SLC25A24: variants seen among roughly 807,000 people sequenced by gnomAD.
SLC25A24 encodes mitochondrial adenyl nucleotide antiporter SLC25A24.
SLC25A24 carries 49 observed loss-of-function variants against 60.7 expected under a neutral mutation model. That is an observed-to-expected ratio of 0.81 (90% CI 0.64 to 1.02). The LOEUF is 1.02. SLC25A24 is among the 50% of genes least tolerant of loss of function. SLC25A24 has a pLI of 0.00. For missense variants in SLC25A24, 564 were observed against 586.3 expected (o/e 0.96, Z 0.39); for synonymous variants, 202 against 200.6 (o/e 1.01, Z -0.06).
intron 8 of SLC25A24, among the ~76,000 whole-genome samples, chr1:108,142,208 T>G (rs1679462067): frequency 6.6e-6 from 1 of 152,180 alleles, no homozygotes; most frequent in Non-Finnish European, 1.5e-5. Flanking sequence ...GAAAACAGTC[T>G]GATAGTTCCT....
rs1304405040 is a variant in SLC25A24 at position 108,148,272 on chromosome 1, T to C, written c.930+7A>G. On this transcript the variant is annotated splice_region_variant and intron_variant, in intron 7 of 9. Transcript: ENST00000565488. ...ATCACACAGTCAGACTTGACAATGG[T>C]ACTCACCTCCATTGGATATATAAAA... The C allele has an allele frequency of 4.7e-6, 7 of 1,501,418 alleles. 1 individual carries two copies. Among genetic ancestry groups the C allele is most frequent in the South Asian group, 2.3e-5 (2 of 88,884 alleles). 93.0% of individuals were successfully genotyped at this position (1,501,418 alleles called of 1,614,324 possible). A position where few individuals can be genotyped will look rare whatever the true frequency, so the allele number is the denominator to read the frequency against.
At chr1:108,140,267 T>TA (rs1357251499) in intron 8 of SLC25A24, among the ~76,000 whole-genome samples, 2 of 151,858 alleles carry the variant, frequency 1.3e-5, no homozygotes, top group East Asian at 1.9e-4. Context: ...TTTTGAAACT[T>TA]AAAAAAACTG....
In SLC25A24 at chr1:108,157,582, T is replaced by C; in HGVS notation, c.549A>G (p.Glu183=). 3.7e-6 allele frequency: 6 copies of C among 1,614,162 alleles called. No individual in the cohort carries two copies. The highest frequency in any genetic ancestry group is 5.1e-6 in the Non-Finnish European group (6 of 1,180,026). The part of the protein sequence containing the change: ...DIGDSLTIPD[E]FTEDEKKSGQ... ...CGGATTTTTTTTCGTCTTCCGTGAATTCATCTGGAATAGTTAAGCTATCCC... is the reference window on the plus strand; with the variant it reads ...CGGATTTTTTTTCGTCTTCCGTGAACTCATCTGGAATAGTTAAGCTATCCC... Residue 183 remains glutamate (E), a synonymous_variant, in exon 5 of 10, where the codon GAA becomes GAG. Coordinates refer to ENST00000565488, the MANE Select transcript of SLC25A24 (RefSeq NM_013386.5).
chr1:108,151,886 C>T (rs1221797493), intron 6 of SLC25A24, among the ~76,000 whole-genome samples: 1 of 152,218 alleles, frequency 6.6e-6, no homozygotes, highest in Non-Finnish European at 1.5e-5. Flanking sequence ...TGACTCTTCT[C>T]TTTCTCACCT....
chr1:108,195,040 AT>A (rs923591171), intron 1 of SLC25A24, among the ~76,000 whole-genome samples: 8 of 152,208 alleles, frequency 5.3e-5, no homozygotes, highest in African/African-American at 2.4e-5. Flanking sequence ...TTCTCAACAA[AT>A]CCTTTTGTTT....
intron 6 of SLC25A24, among the ~76,000 whole-genome samples, chr1:108,152,159 T>C (rs1393728942): frequency 2.6e-5 from 4 of 152,180 alleles, no homozygotes; most frequent in Non-Finnish European, 5.9e-5. Flanking sequence ...CCCTACCATA[T>C]TCAGAATAAA....
intron 3 of SLC25A24, among the ~76,000 whole-genome samples, chr1:108,164,210 A>G (rs913660328): frequency 1.3e-5 from 2 of 151,756 alleles, no homozygotes; most frequent in Non-Finnish European, 2.9e-5. Context: ...TTTATTGAGG[A>G]TTTTTGCATC....
At chr1:108,188,390 T>G (rs1377418409) in intron 1 of SLC25A24, among the ~76,000 whole-genome samples, 1 of 152,086 alleles carries the variant, frequency 6.6e-6, no homozygotes, top group African/African-American at 2.4e-5. Flanking sequence ...TTGAAAAAAA[T>G]TACCATATTT....
At position 108,148,389 on chromosome 1, in the gene SLC25A24, G is replaced by GT. The variant is rs746960422; in HGVS notation, c.823-4dup. The GT allele has an allele frequency of 6.5e-7, 1 of 1,536,140 alleles. No homozygotes were observed. The highest frequency in any genetic ancestry group is 9.0e-7 in the Non-Finnish European group (1 of 1,109,106). ...TCTTCAGTAAGTAACTTCTTGTACT[G>GT]TATAAACAAGTTTTAAAATGCACAT... On this transcript the variant is annotated splice_region_variant and splice_polypyrimidine_tract_variant and intron_variant, in intron 6 of 9. Coordinates refer to ENST00000565488, the MANE Select transcript of SLC25A24 (RefSeq NM_013386.5).
At chr1:108,157,351 G>T (rs1558013130) in intron 5 of SLC25A24, 111 bp downstream of exon 5, 2 of 1,122,908 alleles carry the variant, frequency 1.8e-6, no homozygotes, top group East Asian at 2.4e-5. Context: ...TATTTTTTAG[G>T]GTATAAAAGA....
chr1:108,158,534 T>G (rs1679964079), intron 4 of SLC25A24, among the ~76,000 whole-genome samples: 1 of 152,174 alleles, frequency 6.6e-6, no homozygotes, highest in Non-Finnish European at 1.5e-5. Context: ...ACTGAACTAC[T>G]AGTATAATAT....
chr1:108,157,641 T>A (rs776811941), intron 4 of SLC25A24, 21 bp from the exon 5 acceptor site: 2 of 1,607,042 alleles, frequency 1.2e-6, no homozygotes, highest in South Asian at 2.2e-5. Flanking sequence ...GAAAAAAAGA[T>A]CCCCATGCGC....
intron 2 of SLC25A24, among the ~76,000 whole-genome samples, chr1:108,182,992 A>C (rs1449799849): frequency 6.6e-6 from 1 of 152,168 alleles, no homozygotes; most frequent in Non-Finnish European, 1.5e-5. Flanking sequence ...TAGAAAATAA[A>C]ATAGAAGCAA....
At chr1:108,161,055 T>C (rs1213657250) in intron 4 of SLC25A24, 127 bp downstream of exon 4, 1 of 562,250 alleles carries the variant, frequency 1.8e-6, no homozygotes, top group African/African-American at 2.0e-5. Context: ...TAAATAGAAC[T>C]CTACAGGTTA....
chr1:108,134,761 C>A lies in SLC25A24; in HGVS notation c.*1892G>T, dbSNP rs1304409114. The A allele has an allele frequency of 6.7e-6, 1 of 148,508 alleles. No individual in the cohort carries two copies. The highest frequency in any genetic ancestry group is 1.5e-5 in the Non-Finnish European group (1 of 67,214). 9.2% of individuals were successfully genotyped at this position (148,508 alleles called of 1,614,324 possible). ...TGCTTTATTTATAATTTTTTTTTTT[C>A]AATTAGGAAACTGAGACTTAAGAAT... On this transcript the variant is annotated 3_prime_UTR_variant, in exon 10 of 10. Transcript: ENST00000565488.
intron 3 of SLC25A24, among the ~76,000 whole-genome samples, chr1:108,176,341 T>C (rs1392890791): frequency 6.6e-6 from 1 of 151,428 alleles, no homozygotes; most frequent in Non-Finnish European, 1.5e-5. Flanking sequence ...GAAAAAAGAA[T>C]GAAAATGAAT....
intron 3 of SLC25A24, among the ~76,000 whole-genome samples, chr1:108,180,501 C>T (rs1289311842): frequency 6.6e-6 from 1 of 152,160 alleles, no homozygotes; most frequent in African/African-American, 2.4e-5. Flanking sequence ...GGCCCTAACC[C>T]ACCGTGTGAT....
chr1:108,139,386 G>T (rs1230137425), intron 8 of SLC25A24, among the ~76,000 whole-genome samples, 178 bp from the exon 9 acceptor site: 1 of 152,170 alleles, frequency 6.6e-6, no homozygotes, highest in East Asian at 1.9e-4. Flanking sequence ...GAGGCCACTG[G>T]GGGTGCGGAA....
chr1:108,143,449 C>T, intron 8 of SLC25A24, 94 bp downstream of exon 8: 2 of 1,055,324 alleles, frequency 1.9e-6, no homozygotes, highest in Non-Finnish European at 2.7e-6. Context: ...TGGTCACACA[C>T]TGTTTTCTGG....
Sources: allele counts gnomAD v4.1 joint callset (sites outside exome capture counted in the v4.1 genomes callset), GRCh38; gene constraint gnomAD v4.1.1; transcripts MANE v1.5; gene names NCBI Gene and HGNC (gene_info 2026-07-23, HGNC 2026-07-21).